The following EVC2 variants were observed in gnomAD, a reference collection of about 807,000 sequenced individuals.
EVC2 encodes limbin.
EVC2 carries 148 observed loss-of-function variants against 149.3 expected under a neutral mutation model. The observed-to-expected ratio is 0.99, with a 90% CI of 0.87 to 1.14. The LOEUF is 1.14. Ranked by LOEUF, EVC2 falls within the 50% of genes most tolerant of loss-of-function variation. The pLI, the probability that EVC2 is intolerant of heterozygous loss-of-function variation, is 0.00. For synonymous variants in EVC2, 776 were observed against 649.9 expected (o/e 1.19, Z -2.95); for missense variants, 1,854 against 1,627.3 (o/e 1.14, Z -2.40).
chr4:5,575,249 C>G (rs1386486815), intron 18 of EVC2, among the ~76,000 whole-genome samples: 1 of 152,216 alleles, frequency 6.6e-6, no homozygotes, highest in Non-Finnish European at 1.5e-5. Context: ...TGCAAGTCAG[C>G]TTTGTGGATC....
intron 9 of EVC2, among the ~76,000 whole-genome samples, chr4:5,660,789 T>C (rs1718828890): frequency 6.6e-6 from 1 of 152,166 alleles, no homozygotes; most frequent in Non-Finnish European, 1.5e-5. Context: ...TCAGAGAATG[T>C]CTGTAAAATA....
At position 5,562,832 on chromosome 4, in the gene EVC2, A is replaced by G. The variant is rs1459870377; in HGVS notation, c.*16T>C. 2 of 1,613,344 alleles carry G rather than the reference A, an allele frequency of 1.2e-6. No individual in the cohort carries two copies. Among genetic ancestry groups the G allele is most frequent in the Non-Finnish European group, 1.7e-6 (2 of 1,180,048 alleles). On this transcript the variant is annotated 3_prime_UTR_variant, in exon 22 of 22. Coordinates refer to ENST00000344408, the MANE Select transcript of EVC2 (RefSeq NM_147127.5). This position sits in a 1 kb window ranked among gnomAD's most constrained non-coding sequence, Gnocchi z 4.3. ...CCCTTCTCTCTTCAGATGCTCCCGC[A>G]GGTCTTTCCCTTGGGCTAGTCCATG...
intron 6 of EVC2, among the ~76,000 whole-genome samples, chr4:5,682,177 TAGCAGC>T (rs547091641): frequency 4.0e-5 from 6 of 150,432 alleles, no homozygotes; most frequent in African/African-American, 9.7e-5. Context: ...GTAGTAACAT[TAGCAGC>T]AGCAGCAGCA....
chr4:5,544,127 G>A lies in EVC2; in HGVS notation c.3420-915C>T, dbSNP rs542902936. Among the ~76,000 whole-genome samples, 4 of 152,252 alleles carry A rather than the reference G, an allele frequency of 2.6e-5. 1 individual carries two copies. The highest frequency in any genetic ancestry group is 9.6e-5 in the African/African-American group (4 of 41,536). On this transcript the variant is annotated intron_variant and NMD_transcript_variant, in intron 21 of 22. Coordinates refer to the EVC2 transcript ENST00000475313. ...AGAAGAGGGAGGGAGACACCCTGCGGTCACCTGAGTTTAAACTAAAATTAA... is the reference window on the plus strand; with the variant it reads ...AGAAGAGGGAGGGAGACACCCTGCGATCACCTGAGTTTAAACTAAAATTAA...
chr4:5,635,667 T>C (rs1021541661), intron 10 of EVC2, among the ~76,000 whole-genome samples: 1 of 152,068 alleles, frequency 6.6e-6, no homozygotes, highest in African/African-American at 2.4e-5. Context: ...GACAGGCAAA[T>C]TGTGAAAATG....
At chr4:5,693,690 G>T (rs551412835) in intron 3 of EVC2, among the ~76,000 whole-genome samples, 2 of 152,324 alleles carry the variant, frequency 1.3e-5, no homozygotes, top group African/African-American at 4.8e-5. Flanking sequence ...TCACTACTTA[G>T]CAGGGAGCCC....
intron 9 of EVC2, among the ~76,000 whole-genome samples, chr4:5,642,391 T>A (rs1717396612): frequency 6.6e-6 from 1 of 152,196 alleles, no homozygotes; most frequent in Admixed American, 6.5e-5. Flanking sequence ...TTTTCCCCAA[T>A]TAACATGGTT....
downstream of EVC2, among the ~76,000 whole-genome samples, chr4:5,539,054 T>C (rs900369390): frequency 2.6e-5 from 4 of 152,104 alleles, no homozygotes; most frequent in East Asian, 1.9e-4. Context: ...GAAAACCTGA[T>C]AGAATCCACA....
At chr4:5,691,196 T>C (rs911390980) in intron 4 of EVC2, 69 bp downstream of exon 4, 4 of 1,363,578 alleles carry the variant, frequency 2.9e-6, no homozygotes, top group Non-Finnish European at 4.2e-6. Context: ...AATACATGAC[T>C]CTAATAAAAT....
rs2108767178 is a variant in EVC2, at chr4:5,565,243, G to A, written c.3659+15C>T. 1 of 1,612,518 alleles carries A rather than the reference G, an allele frequency of 6.2e-7. No homozygotes were observed. Among genetic ancestry groups the A allele is most frequent in the Non-Finnish European group, 8.5e-7 (1 of 1,178,902 alleles). ...CACCCCCTCCCCAGCCACATGAGCA[G>A]GTGCCCATCATTACCTCTGCTTTCT... On this transcript the variant is annotated intron_variant, in intron 21 of 21. Transcript: ENST00000344408.
chr4:5,656,951 C>T (rs1181892785), intron 9 of EVC2, among the ~76,000 whole-genome samples: 1 of 152,190 alleles, frequency 6.6e-6, no homozygotes, highest in Admixed American at 6.5e-5. Flanking sequence ...AGCACTGCAT[C>T]CCATTGTATA....
intron 9 of EVC2, among the ~76,000 whole-genome samples, chr4:5,641,317 A>G (rs1281594371): frequency 2.0e-5 from 3 of 152,220 alleles, no homozygotes; most frequent in South Asian, 2.1e-4. Flanking sequence ...TTTGATAACA[A>G]CTGATACATA....
At chr4:5,605,012 T>A (rs1414223924) in intron 16 of EVC2, among the ~76,000 whole-genome samples, 1 of 152,002 alleles carries the variant, frequency 6.6e-6, no homozygotes, top group Non-Finnish European at 1.5e-5. Context: ...TTTATGATGA[T>A]CCACTTCCAC....
chr4:5,692,188 T>G (rs1692042424), intron 3 of EVC2, among the ~76,000 whole-genome samples: 1 of 152,198 alleles, frequency 6.6e-6, no homozygotes, highest in Non-Finnish European at 1.5e-5. Flanking sequence ...TGTATATTTT[T>G]TATTTATTTT....
At chr4:5,557,955 A>G (rs576406601), downstream of EVC2, among the ~76,000 whole-genome samples, 57 of 152,264 alleles carry the variant, frequency 3.7e-4, no homozygotes, top group African/African-American at 1.3e-3. Flanking sequence ...GATTTGGAAG[A>G]TTCAATATTG....
chr4:5,555,034 G>C (rs1721809024), intron 21 of EVC2, among the ~76,000 whole-genome samples: 1 of 148,536 alleles, frequency 6.7e-6, no homozygotes, highest in Non-Finnish European at 1.5e-5. Context: ...GTGTGTGTGT[G>C]TGTGTGTGTC....
chr4:5,660,994 G>C (rs542441602), intron 9 of EVC2, among the ~76,000 whole-genome samples: 2 of 152,252 alleles, frequency 1.3e-5, no homozygotes, highest in South Asian at 2.1e-4. Flanking sequence ...AATTAAATAA[G>C]GGGTGTGCAC....
At chr4:5,628,508 C>T (rs935833729) in intron 12 of EVC2, 51 bp downstream of exon 12, 1 of 1,598,442 alleles carries the variant, frequency 6.3e-7, no homozygotes, top group Non-Finnish European at 8.6e-7. Context: ...GTCATAGCAG[C>T]AGAAAACAGA....
intron 1 of EVC2, among the ~76,000 whole-genome samples, chr4:5,698,943 C>A (rs994518517): frequency 6.6e-6 from 1 of 152,208 alleles, no homozygotes; most frequent in Non-Finnish European, 1.5e-5. Context: ...CCAGACACCA[C>A]GGAAACCATA....
Sources: allele counts gnomAD v4.1 joint callset (sites outside exome capture counted in the v4.1 genomes callset), GRCh38; gene constraint gnomAD v4.1.1; non-coding constraint Gnocchi (gnomAD v3.1); transcripts MANE v1.5; gene names NCBI Gene and HGNC (gene_info 2026-07-23, HGNC 2026-07-21).